TG: variants seen among roughly 807,000 people sequenced by gnomAD.
TG encodes the protein thyroglobulin, also known as thyroid hormones.
In TG, 270 loss-of-function variants were observed where a neutral mutation model predicts 324.7. The ratio of observed to expected loss-of-function variants is 0.83; its 90% CI spans 0.75 to 0.92. The LOEUF is 0.92. Ranked by LOEUF, TG falls within the 40% of genes least tolerant of loss-of-function variation. The probability of loss-of-function intolerance (pLI) is 0.00; values close to 1 mark genes in which losing one functional copy is unlikely to be tolerated. For missense variants in TG, 3,591 were observed against 3,456.4 expected, an observed-to-expected ratio of 1.04 and a Z score of -0.98; for synonymous variants, 1,401 against 1,327.0, an observed-to-expected ratio of 1.06 and a Z score of -1.21.
At chr8:132,923,012 G>C (rs983557022) in intron 21 of TG, among the ~76,000 whole-genome samples, 2 of 152,154 alleles carry the variant, frequency 1.3e-5, no homozygotes, top group Admixed American at 6.5e-5. Context: ...AGCAAAGACT[G>C]GGGGAGCTGT....
intron 41 of TG, among the ~76,000 whole-genome samples, chr8:133,042,053 C>T (rs1223968557): frequency 6.6e-6 from 1 of 152,040 alleles, no homozygotes; most frequent in Non-Finnish European, 1.5e-5. Flanking sequence ...TCCCAAAGTG[C>T]TGGGATTACA....
At chr8:132,974,846 A>G (rs1242200076) in intron 34 of TG, among the ~76,000 whole-genome samples, 1 of 152,068 alleles carries the variant, frequency 6.6e-6, no homozygotes, top group Non-Finnish European at 1.5e-5. Flanking sequence ...GAGCCTACCC[A>G]TTCCCTGTGT....
chr8:132,964,614 T>G, intron 29 of TG: 1 of 386,078 alleles, frequency 2.6e-6, no homozygotes, highest in South Asian at 4.2e-5. Flanking sequence ...CTCATTGCTT[T>G]TAAGGAGGGC....
chr8:133,071,673 G>A (rs1844063791), intron 41 of TG, among the ~76,000 whole-genome samples: 1 of 152,042 alleles, frequency 6.6e-6, no homozygotes, highest in Non-Finnish European at 1.5e-5. Flanking sequence ...AGGCGCACCT[G>A]CAAACTGGAG....
chr8:132,963,194 C>A, intron 29 of TG, 120 bp downstream of exon 29: 1 of 970,836 alleles, frequency 1.0e-6, no homozygotes, highest in Non-Finnish European at 1.7e-6. Flanking sequence ...TATCCATGGA[C>A]TCTCCTTTAA....
At chr8:133,131,225 C>T (rs1358411022) in intron 45 of TG, among the ~76,000 whole-genome samples, 1 of 152,234 alleles carries the variant, frequency 6.6e-6, no homozygotes, top group Admixed American at 6.5e-5. Flanking sequence ...GCCATTCACA[C>T]CACTGGACTG....
chr8:132,967,149 C>G (rs572437437), intron 30 of TG, among the ~76,000 whole-genome samples: 4 of 131,042 alleles, frequency 3.1e-5, no homozygotes, highest in African/African-American at 1.6e-4. Flanking sequence ...ATCCATCCAT[C>G]CATCCACCCA....
chr8:132,901,433 G>A lies in TG; in HGVS notation c.3514G>A (p.Glu1172Lys). 3.7e-6 allele frequency: 6 copies of A among 1,614,256 alleles called. No homozygotes were observed. Among genetic ancestry groups the A allele is most frequent in the Non-Finnish European group, 5.1e-6 (6 of 1,180,054 alleles). Residue 1172 changes from glutamate to lysine, a missense_variant, in exon 16 of 48, where the codon GAG becomes AAG. Physicochemically the swap from Glu to Lys is moderately conservative, Grantham distance 56. Transcript: ENST00000220616. ...SPGYVPACRAEDGGFSPVQCD... is the reference protein window; with the variant it reads ...SPGYVPACRAKDGGFSPVQCD... ...AGGCTATGTCCCAGCCTGCAGGGCA[G>A]AGGATGGGGGCTTTTCCCCAGTGCA...
chr8:132,928,341 C>T (rs976964141), intron 22 of TG, among the ~76,000 whole-genome samples: 1 of 152,136 alleles, frequency 6.6e-6, no homozygotes, highest in African/African-American at 2.4e-5. Context: ...TTGACAGTTA[C>T]CCGTAAGACT....
intron 11 of TG, among the ~76,000 whole-genome samples, chr8:132,894,807 C>T (rs1255352574): frequency 1.3e-5 from 2 of 152,210 alleles, no homozygotes; most frequent in Non-Finnish European, 2.9e-5. Context: ...ACTTACTGTG[C>T]TAAGTAGATT....
chr8:132,929,016 T>C (rs1822296223), intron 22 of TG, 60 bp from the exon 23 acceptor site: 2 of 1,390,084 alleles, frequency 1.4e-6, no homozygotes, highest in African/African-American at 2.8e-5. Flanking sequence ...TCTTTATGGC[T>C]TCTCTGCAGA....
Position 132,964,553 on chromosome 8 carries a change from A to T in TG, c.5548+1479A>T, listed in dbSNP as rs1279051878. On this transcript the variant is annotated intron_variant, in intron 29 of 47. Coordinates refer to ENST00000220616, the MANE Select transcript of TG (RefSeq NM_003235.5). ...CCCCTTTGTGTATCAGGTTACTCCC[A>T]TCAGTCTGAATGTTTGAGACAAACC... The T allele has an allele frequency of 4.0e-5, 10 of 249,424 alleles. No individual in the cohort carries two copies. In the South Asian group the frequency reaches 4.2e-4, roughly 11 times the overall value. The allele number at this position is 249,424 out of a possible 1,614,324, so 15.5% of individuals were successfully genotyped here. A position where few individuals can be genotyped will look rare whatever the true frequency, so the allele number is the denominator to read the frequency against.
chr8:133,112,055 C>T (rs1238968708), intron 43 of TG, among the ~76,000 whole-genome samples: 1 of 151,108 alleles, frequency 6.6e-6, no homozygotes, highest in African/African-American at 2.4e-5. Context: ...GGGCTGTTCC[C>T]ACCCAAGAGT....
chr8:133,007,164 G>C (rs1834082971), intron 35 of TG, among the ~76,000 whole-genome samples: 1 of 152,052 alleles, frequency 6.6e-6, no homozygotes, highest in Admixed American at 6.6e-5. Context: ...TTTAATTTAG[G>C]CCTTTAAAAT....
intron 22 of TG, among the ~76,000 whole-genome samples, chr8:132,927,573 T>C (rs1349784994): frequency 6.6e-6 from 1 of 152,244 alleles, no homozygotes; most frequent in Non-Finnish European, 1.5e-5. Flanking sequence ...TCATAATTCA[T>C]TGGCAAATTG....
At chr8:133,002,730 G>T in intron 35 of TG, 1 of 250,646 alleles carries the variant, frequency 4.0e-6, no homozygotes, top group Non-Finnish European at 7.8e-6. Context: ...CCTTCTCTTG[G>T]GCTTCTTTTT....
intron 41 of TG, among the ~76,000 whole-genome samples, chr8:133,070,293 C>A (rs148645854): frequency 6.6e-6 from 1 of 152,104 alleles, no homozygotes; most frequent in Non-Finnish European, 1.5e-5. Context: ...ATCCAGACAC[C>A]ACTGGAGCGA....
At chr8:133,091,846 A>G (rs1474151549) in intron 41 of TG, among the ~76,000 whole-genome samples, 1 of 148,808 alleles carries the variant, frequency 6.7e-6, no homozygotes, top group Non-Finnish European at 1.5e-5. Flanking sequence ...TGTGACCATG[A>G]GTGTCTGTGT....
At chr8:133,003,523 T>A (rs906212346) in intron 35 of TG, among the ~76,000 whole-genome samples, 2 of 152,032 alleles carry the variant, frequency 1.3e-5, no homozygotes, top group Non-Finnish European at 2.9e-5. Flanking sequence ...CAAAAAGTAC[T>A]CCTCTGCATC....
Sources: gnomAD v4.1 joint callset for allele counts (sites outside exome capture counted in the v4.1 genomes callset) on GRCh38, gnomAD v4.1.1 for gene constraint, MANE v1.5 for transcripts, NCBI Gene and HGNC (gene_info 2026-07-23, HGNC 2026-07-21) for gene names.